Variants in CSKMT observed in about 807,000 individuals in gnomAD.
CSKMT encodes the protein citrate synthase lysine methyltransferase, also known as citrate synthase-lysine N-methyltransferase CSKMT, mitochondrial.
In CSKMT, 6 loss-of-function variants were observed where a neutral mutation model predicts 4.6. The ratio of observed to expected loss-of-function variants is 1.31; its 90% CI spans 0.72 to 2.59. The LOEUF (loss-of-function observed/expected upper bound fraction) is 2.59, where lower values mean the gene tolerates loss of function less well. Ranked by LOEUF, CSKMT falls within the 30% of genes most tolerant of loss-of-function variation. The probability of loss-of-function intolerance (pLI) is 0.00; values close to 1 mark genes in which losing one functional copy is unlikely to be tolerated. For synonymous variants in CSKMT, 142 were observed against 128.9 expected (o/e 1.10, Z -0.69); for missense variants, 328 against 298.0 (o/e 1.10, Z -0.74).
Position 62,666,599 on chromosome 11 carries a change from A to C in CSKMT, c.271A>C (p.Thr91Pro), listed in dbSNP as rs1944819991. The C allele has an allele frequency of 6.2e-7, 1 of 1,614,016 alleles. No homozygotes were observed. Among genetic ancestry groups the C allele is most frequent in the African/African-American group, 1.3e-5 (1 of 74,918 alleles). ...DVGCGTSSLCTGLYTKSPHPV... is the reference protein window; with the variant it reads ...DVGCGTSSLCPGLYTKSPHPV... ...GGGCTGTGGGACTTCCAGCCTATGT[A>C]CAGGCCTCTACACCAAATCTCCACA... is the stretch of plus-strand genomic sequence containing the variant. The change falls in exon 3 of 3, where the codon ACA (threonine) becomes CCA (proline). Residue 91 changes from threonine to proline, a missense_variant. By Grantham distance (38) the Thr-to-Pro change is conservative. Transcript: ENST00000532971.
Position 62,665,518 on chromosome 11 carries a change from C to A in CSKMT, c.-233-129C>A, listed in dbSNP as rs759045855. ...TCTGGCCCCCTCGGCGTCATGTCTT[C>A]GGTGCTGGCGGCTTCCCATCCGCTG... On this transcript the variant is annotated intron_variant, in intron 1 of 2. Transcript: ENST00000532971. The A allele has an allele frequency of 3.8e-6, 6 of 1,569,690 alleles. No homozygotes were observed. In the African/African-American group the frequency reaches 4.0e-5, roughly 11 times the overall value.
Position 62,667,973 on chromosome 11 carries a change from T to C in CSKMT, c.*922T>C, listed in dbSNP as rs1944863995. 2.1e-6 allele frequency: 1 copy of C among 466,070 alleles called. No individual in the cohort carries two copies. The highest frequency in any genetic ancestry group is 3.5e-5 in the Admixed American group (1 of 28,304). The allele number at this position is 466,070 out of a possible 1,614,324, so 28.9% of individuals were successfully genotyped here. A position where few individuals can be genotyped will look rare whatever the true frequency, so the allele number is the denominator to read the frequency against. On this transcript the variant is annotated 3_prime_UTR_variant, in exon 3 of 3. Coordinates refer to ENST00000532971, the MANE Select transcript of CSKMT (RefSeq NM_001043229.2). ...GTTCCAACTACTCAGGAGGCTGAGC[T>C]GGGAGGACTGCTTGAACCCTGGGAG...
In CSKMT at chr11:62,665,825, A is replaced by C. The variant is rs540699308; in HGVS notation, c.-55A>C. 5.0e-6 allele frequency: 8 copies of C among 1,596,032 alleles called. No homozygotes were observed. Among genetic ancestry groups the C allele is most frequent in the Non-Finnish European group, 6.9e-6 (8 of 1,167,214 alleles). On this transcript the variant is annotated 5_prime_UTR_variant, in exon 2 of 3. Coordinates refer to ENST00000532971, the MANE Select transcript of CSKMT (RefSeq NM_001043229.2). The stretch of plus-strand genomic sequence containing the variant: ...CTGGACCTCAGGCCTCTCCGGCTGG[A>C]GTAGGGTGGACGCTTCACATAAGCT...
intron 2 of CSKMT, 127 bp downstream of exon 2, chr11:62,666,073 C>G: frequency 9.1e-7 from 1 of 1,101,664 alleles, no homozygotes; most frequent in Non-Finnish European, 1.3e-6. Flanking sequence ...GTGGGCCGTG[C>G]GTGGTGGCTC....
rs1157047711 is a variant in CSKMT at position 62,665,708 on chromosome 11, C to G, written c.-172C>G. Reference sequence around the variant, plus strand: ...TGCAGCCAATAAAGGCCGTTCCTACCATAGTCTGTGTCCGCGTTCTTTTTT... The same window carrying G: ...TGCAGCCAATAAAGGCCGTTCCTACGATAGTCTGTGTCCGCGTTCTTTTTT... On this transcript the variant is annotated 5_prime_UTR_variant, in exon 2 of 3. Coordinates refer to ENST00000532971, the MANE Select transcript of CSKMT (RefSeq NM_001043229.2). The G allele has an allele frequency of 6.8e-7, 1 of 1,462,466 alleles. No individual in the cohort carries two copies. Among genetic ancestry groups the G allele is most frequent in the Non-Finnish European group, 9.0e-7 (1 of 1,107,402 alleles). The allele number at this position is 1,462,466 out of a possible 1,614,324, so 90.6% of individuals were successfully genotyped here.
intron 2 of CSKMT, 123 bp from the exon 3 acceptor site, chr11:62,666,273 G>A (rs1477172886): frequency 2.0e-6 from 2 of 994,724 alleles, no homozygotes; most frequent in Admixed American, 2.0e-5. Context: ...TTGTGCTACT[G>A]TACTCAACCC....
rs1036558810 is a variant in CSKMT at position 62,667,264 on chromosome 11, G to A, written c.*213G>A. 4 of 638,178 alleles carry A rather than the reference G, an allele frequency of 6.3e-6. No homozygotes were observed. The highest frequency in any genetic ancestry group is 5.5e-5 in the East Asian group (2 of 36,506). 39.5% of individuals were successfully genotyped at this position (638,178 alleles called of 1,614,324 possible). A position where few individuals can be genotyped will look rare whatever the true frequency, so the allele number is the denominator to read the frequency against. On this transcript the variant is annotated 3_prime_UTR_variant, in exon 3 of 3. Transcript: ENST00000532971. ...AGTTACGGAGATTACATACAATGATGTGCGCAATATTTAGCACAAAATGAA... is the reference window on the plus strand; with the variant it reads ...AGTTACGGAGATTACATACAATGATATGCGCAATATTTAGCACAAAATGAA...
chr11:62,665,925 G>A lies in CSKMT; in HGVS notation c.46G>A (p.Gly16Arg). Reference sequence around the variant, plus strand: ...GCTCCACTTGCCGAGCCTGATGATGGGGACGTGCCGCCCCTTTGCGGGTAG... The same window carrying A: ...GCTCCACTTGCCGAGCCTGATGATGAGGACGTGCCGCCCCTTTGCGGGTAG... The part of the protein sequence containing the change: ...RMLHLPSLMM[G>R]TCRPFAGSLA... The change falls in exon 2 of 3, where the codon GGG becomes AGG. Residue 16 changes from glycine (G) to arginine (R), a missense_variant. Gly to Arg is a moderately radical substitution (Grantham distance 125, BLOSUM62 -2). Coordinates refer to ENST00000532971, the MANE Select transcript of CSKMT (RefSeq NM_001043229.2). The A allele has an allele frequency of 6.2e-7, 1 of 1,613,000 alleles. No individual in the cohort carries two copies. The highest frequency in any genetic ancestry group is 1.1e-5 in the South Asian group (1 of 91,060).
At chr11:62,666,023 A>G in intron 2 of CSKMT, 77 bp downstream of exon 2, 2 of 1,470,164 alleles carry the variant, frequency 1.4e-6, no homozygotes, top group East Asian at 2.3e-5. Flanking sequence ...CTCGTGAGTC[A>G]GGAGTGTAGT....
Position 62,667,842 on chromosome 11 carries a change from G to T in CSKMT, c.*791G>T. 1.1e-6 allele frequency: 1 copy of T among 897,858 alleles called. No homozygotes were observed. Among genetic ancestry groups the T allele is most frequent in the Non-Finnish European group, 1.7e-6 (1 of 572,130 alleles). 55.6% of individuals were successfully genotyped at this position (897,858 alleles called of 1,614,324 possible). ...ATGCTGGCTCATACCTATAATCACAGCACTTTGGGAGGCCAAGGTGGGCAG... is the reference window on the plus strand; with the variant it reads ...ATGCTGGCTCATACCTATAATCACATCACTTTGGGAGGCCAAGGTGGGCAG... On this transcript the variant is annotated 3_prime_UTR_variant, in exon 3 of 3. Transcript: ENST00000532971.
In CSKMT at chr11:62,666,873, C is replaced by G; in HGVS notation, c.545C>G (p.Ser182Ter). 6.2e-7 allele frequency: 1 copy of G among 1,614,172 alleles called. No homozygotes were observed. Among genetic ancestry groups the G allele is most frequent in the Non-Finnish European group, 8.5e-7 (1 of 1,180,032 alleles). ...CTGCCTAGGGCTTACCAGCTTCTAT[C>G]AGAATGCTTGAGGGTTCTAAACCCT... Reference protein sequence around the residue: ...GGLPRAYQLLSECLRVLNPQG... With the variant: ...GGLPRAYQLL The change falls in exon 3 of 3, where the codon TCA (serine) becomes TGA (stop). Residue 182 changes from serine (S) to a stop codon, truncating the protein, a stop_gained. Transcript: ENST00000532971. LOFTEE classifies it high-confidence loss of function.
At position 62,667,486 on chromosome 11, in the gene CSKMT, TG is replaced by T. The variant is rs1279378316; in HGVS notation, c.*437del. ...ATGGGTATAAGGAGCTTCATAAACC[TG>T]GATGAGATATTTGAGGGGGAGGGAA... On this transcript the variant is annotated 3_prime_UTR_variant, in exon 3 of 3. Transcript: ENST00000532971. The T allele has an allele frequency of 1.4e-5, 23 of 1,599,416 alleles. No homozygotes were observed. The highest frequency in any genetic ancestry group is 1.8e-5 in the Non-Finnish European group (21 of 1,166,986).
rs1010282037 is a variant in CSKMT at position 62,665,799 on chromosome 11, C to T, written c.-81C>T. Reference sequence around the variant, plus strand: ...GCTACGCGGAATTTGCAGATCTTCCCCTGGACCTCAGGCCTCTCCGGCTGG... The same window carrying T: ...GCTACGCGGAATTTGCAGATCTTCCTCTGGACCTCAGGCCTCTCCGGCTGG... On this transcript the variant is annotated 5_prime_UTR_variant, in exon 2 of 3. Coordinates refer to ENST00000532971, the MANE Select transcript of CSKMT (RefSeq NM_001043229.2). 6.4e-7 allele frequency: 1 copy of T among 1,569,372 alleles called. No individual in the cohort carries two copies. The highest frequency in any genetic ancestry group is 8.7e-7 in the Non-Finnish European group (1 of 1,152,922).
In CSKMT at chr11:62,665,328, A is replaced by T. The variant is rs969206963; in HGVS notation, c.-238A>T. On this transcript the variant is annotated 5_prime_UTR_variant, in exon 1 of 3. Transcript: ENST00000532971. ...GCGGGAGGCCTTTCGGAGGGTGGTG[A>T]GCTAGTAAGTGTGGTTTTAGCTGTA... 2.7e-5 allele frequency: 20 copies of T among 738,698 alleles called. No individual in the cohort carries two copies. In the East Asian group the frequency reaches 5.1e-4, roughly 19 times the overall value. 45.8% of individuals were successfully genotyped at this position (738,698 alleles called of 1,614,324 possible). A position where few individuals can be genotyped will look rare whatever the true frequency, so the allele number is the denominator to read the frequency against.
At chr11:62,666,102 C>CT (rs1168944813) in intron 2 of CSKMT, 156 bp downstream of exon 2, 27 of 915,736 alleles carry the variant, frequency 2.9e-5, no homozygotes, top group Non-Finnish European at 4.2e-5. Context: ...AATGCTAACA[C>CT]TTTGCCAGGC....
At position 62,667,582 on chromosome 11, in the gene CSKMT, C is replaced by T. The variant is rs781162085; in HGVS notation, c.*531C>T. On this transcript the variant is annotated 3_prime_UTR_variant, in exon 3 of 3. Transcript: ENST00000532971. Reference sequence around the variant, plus strand: ...TTCCACAAAGCCACTTCTACAAACACGGGAGCCTGTTGAGTCCCAGAAGGG... The same window carrying T: ...TTCCACAAAGCCACTTCTACAAACATGGGAGCCTGTTGAGTCCCAGAAGGG... 1.7e-5 allele frequency: 27 copies of T among 1,614,020 alleles called. No individual in the cohort carries two copies. Among genetic ancestry groups the T allele is most frequent in the South Asian group, 2.2e-5 (2 of 91,086 alleles).
chr11:62,667,716 A>T lies in CSKMT; in HGVS notation c.*665A>T, dbSNP rs2134638074. 1 of 1,612,932 alleles carries T rather than the reference A, an allele frequency of 6.2e-7. No homozygotes were observed. Among genetic ancestry groups the T allele is most frequent in the East Asian group, 2.2e-5 (1 of 44,862 alleles). Reference sequence around the variant, plus strand: ...GTCCAGCGTTAAATGTTCTTAAAGGACTTCTAGGGTCCTGTGGGCTCCAAG... The same window carrying T: ...GTCCAGCGTTAAATGTTCTTAAAGGTCTTCTAGGGTCCTGTGGGCTCCAAG... On this transcript the variant is annotated 3_prime_UTR_variant, in exon 3 of 3. Transcript: ENST00000532971.
rs140648337 is a variant in CSKMT at position 62,667,773 on chromosome 11, A to G, written c.*722A>G. 3 of 1,433,370 alleles carry G rather than the reference A, an allele frequency of 2.1e-6. No homozygotes were observed. The highest frequency in any genetic ancestry group is 1.4e-5 in the African/African-American group (1 of 70,494). 88.8% of individuals were successfully genotyped at this position (1,433,370 alleles called of 1,614,324 possible). ...CTGGGATGGAGGAAGAGAGGGGACA[A>G]AAATATTACTGATATATTATCAAAT... On this transcript the variant is annotated 3_prime_UTR_variant, in exon 3 of 3. Coordinates refer to ENST00000532971, the MANE Select transcript of CSKMT (RefSeq NM_001043229.2).
rs1323343104 is a variant in CSKMT, at chr11:62,666,914, C to T, written c.586C>T (p.Gln196Ter). ...RVLNPQGTLI[Q>*]FSDEDPDVRL... is the part of the protein sequence containing the mutation. ...TCTAAACCCTCAGGGGACCCTGATT[C>T]AGTTCTCAGATGAGGACCCTGATGT... is the stretch of plus-strand genomic sequence containing the variant. The change falls in exon 3 of 3, where the codon CAG becomes TAG. Residue 196 changes from glutamine to a stop codon, truncating the protein, a stop_gained. Transcript: ENST00000532971. LOFTEE classifies it high-confidence loss of function. 3.7e-6 allele frequency: 6 copies of T among 1,613,854 alleles called. No individual in the cohort carries two copies. The highest frequency in any genetic ancestry group is 5.1e-6 in the Non-Finnish European group (6 of 1,179,996).
Sources: gnomAD v4.1 joint callset for allele counts on GRCh38, gnomAD v4.1.1 for gene constraint, MANE v1.5 for transcripts, NCBI Gene and HGNC (gene_info 2026-07-23, HGNC 2026-07-21) for gene names.